TEX9: variants seen among roughly 807,000 people sequenced by gnomAD.
TEX9 encodes the protein testis-expressed protein 9.
TEX9 carries 74 observed loss-of-function variants against 59.6 expected under a neutral mutation model. That is an observed-to-expected ratio of 1.24 (90% CI 1.03 to 1.51). TEX9 has a LOEUF of 1.51. TEX9 is among the 40% of genes most tolerant of loss of function. TEX9 has a pLI of 0.00. For synonymous variants in TEX9, 186 were observed against 152.2 expected (o/e 1.22, Z -1.64); for missense variants, 522 against 447.8 (o/e 1.17, Z -1.49).
At chr15:56,360,974 C>T (rs1167975228), upstream of TEX9, among the ~76,000 whole-genome samples, 2 of 152,174 alleles carry the variant, frequency 1.3e-5, no homozygotes, top group Admixed American at 1.3e-4. Context: ...TCCTGACTAT[C>T]CCGAGGCTTC....
chr15:56,364,000 T>G (rs142709876), upstream of TEX9, among the ~76,000 whole-genome samples: 415 of 152,108 alleles, frequency 2.7e-3, 4 homozygotes, highest in African/African-American at 9.5e-3. Flanking sequence ...ATTTTAATAC[T>G]TCTTTATATA....
chr15:56,321,751 C>T (rs1488748753), intron 1 of TEX9, among the ~76,000 whole-genome samples: 1 of 152,140 alleles, frequency 6.6e-6, no homozygotes, highest in Non-Finnish European at 1.5e-5. Context: ...AGTTAATACT[C>T]TTTCAGTCAT....
intron 1 of TEX9, among the ~76,000 whole-genome samples, chr15:56,249,969 G>A (rs1438551842): frequency 1.3e-5 from 2 of 152,072 alleles, no homozygotes; most frequent in African/African-American, 2.4e-5. Context: ...GGAATTGCCA[G>A]TGAGGATGTC....
intron 9 of TEX9, among the ~76,000 whole-genome samples, chr15:56,404,899 G>A (rs1017881144): frequency 8.3e-4 from 126 of 152,172 alleles, no homozygotes; most frequent in African/African-American, 2.8e-3. Flanking sequence ...ACCAAACACC[G>A]CATGTTCTCA....
intron 1 of TEX9, among the ~76,000 whole-genome samples, chr15:56,300,702 A>G (rs12907531): frequency 0.059 from 3,331 of 56,538 alleles, 184 homozygotes; most frequent in African/African-American, 0.18. Context: ...AGAGAGAGAG[A>G]GAGAGGGAGA....
intron 9 of TEX9, chr15:56,395,819 GA>G (rs1323424797): frequency 2.6e-5 from 4 of 152,026 alleles, no homozygotes; most frequent in Non-Finnish European, 5.9e-5. Context: ...AATTGGATTT[GA>G]AAAAATTACT....
At chr15:56,390,140 TTAAC>T (rs1157277435) in intron 6 of TEX9, among the ~76,000 whole-genome samples, 1 of 151,854 alleles carries the variant, frequency 6.6e-6, no homozygotes. Context: ...GGAACAGAAA[TTAAC>T]TATACAATAG....
chr15:56,402,261 T>G (rs773024211), intron 9 of TEX9, among the ~76,000 whole-genome samples: 55 of 151,374 alleles, frequency 3.6e-4, no homozygotes, highest in Non-Finnish European at 3.4e-4. Context: ...AAGAAGAAAA[T>G]AGAGAAGAAT....
chr15:56,330,291 C>T, intron 1 of TEX9, among the ~76,000 whole-genome samples: 1 of 152,080 alleles, frequency 6.6e-6, no homozygotes, highest in East Asian at 1.9e-4. Flanking sequence ...GGGGGTACTT[C>T]AATCTGAAAG....
chr15:56,317,490 A>G (rs556082931), intron 1 of TEX9, among the ~76,000 whole-genome samples: 4 of 152,214 alleles, frequency 2.6e-5, no homozygotes, highest in East Asian at 3.9e-4. Flanking sequence ...ACCAACTTCT[A>G]TTGATTTTCT....
intron 1 of TEX9, among the ~76,000 whole-genome samples, chr15:56,333,193 A>G (rs1437299174): frequency 6.6e-6 from 1 of 152,130 alleles, no homozygotes; most frequent in Non-Finnish European, 1.5e-5. Context: ...TGACACCAAA[A>G]CCAGACAAAG....
chr15:56,276,342 T>C (rs2947022), intron 1 of TEX9, among the ~76,000 whole-genome samples: 149,145 of 152,056 alleles, frequency 0.98, 73,216 homozygotes, highest in Middle Eastern at 1. Flanking sequence ...CCCCCACACC[T>C]TGACAGGCCC....
chr15:56,249,813 A>C (rs113360266), intron 1 of TEX9, among the ~76,000 whole-genome samples: 5,635 of 151,696 alleles, frequency 0.037, 374 homozygotes, highest in African/African-American at 0.13. Context: ...TACAGAAAAA[A>C]AAATTCCCAT....
intron 1 of TEX9, among the ~76,000 whole-genome samples, chr15:56,268,912 T>G (rs1311551514): frequency 6.6e-6 from 1 of 152,054 alleles, no homozygotes; most frequent in Non-Finnish European, 1.5e-5. Flanking sequence ...ACCAGCTCCT[T>G]TTTGTACCTC....
chr15:56,424,214 G>T (rs1457786026), intron 10 of TEX9, among the ~76,000 whole-genome samples: 1 of 151,986 alleles, frequency 6.6e-6, no homozygotes, highest in East Asian at 1.9e-4. Context: ...TGGCCCTTTT[G>T]TTTGGCCCAT....
intron 1 of TEX9, among the ~76,000 whole-genome samples, chr15:56,302,171 C>A (rs1360546648): frequency 2.6e-5 from 4 of 152,198 alleles, no homozygotes; most frequent in East Asian, 1.9e-4. Context: ...TATTTCCAAG[C>A]CGCATGGTAA....
chr15:56,443,780 A>T (rs748903586), intron 12 of TEX9: 1 of 1,612,956 alleles, frequency 6.2e-7, no homozygotes, highest in Admixed American at 1.7e-5. Context: ...TTTTCTCCAG[A>T]GAGCCTGCTC....
intron 12 of TEX9, chr15:56,434,266 C>T (rs778835456): frequency 4.3e-6 from 7 of 1,613,786 alleles, no homozygotes; most frequent in Non-Finnish European, 5.1e-6. Flanking sequence ...GCAAATTTAG[C>T]TAGCATAGTT....
chr15:56,296,987 A>C (rs1171270879), intron 1 of TEX9, among the ~76,000 whole-genome samples: 2 of 152,214 alleles, frequency 1.3e-5, no homozygotes, highest in Non-Finnish European at 2.9e-5. Context: ...TGAAATAAGA[A>C]TTTTTGATCC....
Sources: gnomAD v4.1 joint callset for allele counts (sites outside exome capture counted in the v4.1 genomes callset) on GRCh38, gnomAD v4.1.1 for gene constraint, MANE v1.5 for transcripts, NCBI Gene and HGNC (gene_info 2026-07-23, HGNC 2026-07-21) for gene names.